The following CACNA1C variants were observed in gnomAD, a reference collection of about 807,000 sequenced individuals.
CACNA1C encodes the protein voltage-dependent L-type calcium channel subunit alpha-1C.
CACNA1C carries 30 observed loss-of-function variants against 229.0 expected under a neutral mutation model. The observed-to-expected ratio is 0.13, with a 90% confidence interval of 0.10 to 0.18. CACNA1C has a LOEUF of 0.18. Among genes scored for constraint, CACNA1C ranks in the 10% least tolerant of loss-of-function variants. The pLI is 1.00. For synonymous variants in CACNA1C, 1,114 were observed against 1,132.5 expected, an observed-to-expected ratio of 0.98 and a Z score of 0.33; for missense variants, 1,658 against 2,845.0, an observed-to-expected ratio of 0.58 and a Z score of 9.49.
At chr12:2,076,398 C>G (rs966229523) in intron 1 of CACNA1C, among the ~76,000 whole-genome samples, 1 of 152,082 alleles carries the variant, frequency 6.6e-6, no homozygotes, top group Non-Finnish European at 1.5e-5. Context: ...TAAAGGGGCT[C>G]GTACACATAC....
At chr12:2,270,331 CTG>C (rs1182010675) in intron 3 of CACNA1C, among the ~76,000 whole-genome samples, 1 of 152,226 alleles carries the variant, frequency 6.6e-6, no homozygotes, top group Non-Finnish European at 1.5e-5. Flanking sequence ...CCCTCCTTCT[CTG>C]TGAAATGTCA....
Position 2,118,325 on chromosome 12 carries a change from T to C in CACNA1C, c.372-2000T>C, listed in dbSNP as rs376532623. ...TGGGGAGAGCACAGGCACCAGCTGA[T>C]GGAATGAAACTGGCCAGCCTGTGGG... On this transcript the variant is annotated intron_variant, in intron 2 of 46. Coordinates refer to ENST00000399655, the MANE Select transcript of CACNA1C (RefSeq NM_000719.7). Among the ~76,000 whole-genome samples, 10 of 152,180 alleles carry C rather than the reference T, an allele frequency of 6.6e-5. No homozygotes were observed. In the East Asian group the frequency reaches 9.7e-4, roughly 15 times the overall value.
intron 3 of CACNA1C, among the ~76,000 whole-genome samples, chr12:2,226,820 T>C (rs565841232): frequency 6.6e-6 from 1 of 152,336 alleles, no homozygotes; most frequent in African/African-American, 2.4e-5. Flanking sequence ...AAGTATTCTT[T>C]CGGCAGGAGA....
chr12:2,656,149 A>G (rs1477569438), intron 34 of CACNA1C, among the ~76,000 whole-genome samples: 3 of 152,212 alleles, frequency 2.0e-5, no homozygotes, highest in Non-Finnish European at 4.4e-5. Context: ...GAAGAAGTGA[A>G]ATTTTCTCTG....
chr12:2,307,512 G>A (rs2095134338), intron 3 of CACNA1C, among the ~76,000 whole-genome samples: 1 of 152,198 alleles, frequency 6.6e-6, no homozygotes, highest in Non-Finnish European at 1.5e-5. Context: ...TGCAAAGGGT[G>A]CTGGGGCCGA....
chr12:2,166,154 C>G (rs2096215203), intron 3 of CACNA1C, among the ~76,000 whole-genome samples: 1 of 152,136 alleles, frequency 6.6e-6, no homozygotes, highest in East Asian at 1.9e-4. Flanking sequence ...CTTTCCAGTC[C>G]CATTAGACCC....
At chr12:2,392,795 T>C (rs1595059152) in intron 3 of CACNA1C, among the ~76,000 whole-genome samples, 1 of 152,170 alleles carries the variant, frequency 6.6e-6, no homozygotes, top group Non-Finnish European at 1.5e-5. Flanking sequence ...GGAGAGCATG[T>C]TGGCAGAATG....
intron 3 of CACNA1C, among the ~76,000 whole-genome samples, chr12:2,242,878 C>T (rs1236296036): frequency 6.6e-6 from 1 of 152,096 alleles, no homozygotes; most frequent in East Asian, 1.9e-4. Context: ...TCAAAAGAAC[C>T]CTGTGTGGTT....
chr12:2,025,526 G>A (rs1427611567), intron 1 of CACNA1C, among the ~76,000 whole-genome samples: 4 of 152,076 alleles, frequency 2.6e-5, no homozygotes. Flanking sequence ...ATGGTTCTGG[G>A]CCCATTTTAC....
intron 3 of CACNA1C, among the ~76,000 whole-genome samples, chr12:2,136,226 T>C (rs2093467403): frequency 6.6e-6 from 1 of 151,322 alleles, no homozygotes; most frequent in Non-Finnish European, 1.5e-5. Flanking sequence ...ACCCGGTACC[T>C]CAGATGGAAA....
intron 3 of CACNA1C, among the ~76,000 whole-genome samples, chr12:2,176,620 T>C (rs1370575060): frequency 6.6e-6 from 1 of 152,022 alleles, no homozygotes; most frequent in Non-Finnish European, 1.5e-5. Context: ...GGGTTCTCTG[T>C]GCATGTGGCA....
rs1271721216 is a variant in CACNA1C, at chr12:2,108,943, AG to A, written c.50-6280del. Among the ~76,000 whole-genome samples, 1 of 152,208 alleles carries A rather than the reference AG, an allele frequency of 6.6e-6. No homozygotes were observed. The highest frequency in any genetic ancestry group is 1.9e-4 in the East Asian group (1 of 5,202). On this transcript the variant is annotated intron_variant, in intron 1 of 46. Transcript: ENST00000399655. The surrounding 1 kb of genome is among the most constrained non-coding windows in gnomAD (Gnocchi z 5.3). ...GCAAGATGACAGACAGCAAGAGCCA[AG>A]TGGGCTTCTGGGTGACATGTTGGCC...
At chr12:2,249,211 A>C (rs1321577213) in intron 3 of CACNA1C, among the ~76,000 whole-genome samples, 1 of 152,192 alleles carries the variant, frequency 6.6e-6, no homozygotes, top group Non-Finnish European at 1.5e-5. Flanking sequence ...CTGTAAAGTG[A>C]GTATGAAGTG....
At chr12:2,028,029 G>A (rs1197252142) in intron 1 of CACNA1C, among the ~76,000 whole-genome samples, 1 of 152,254 alleles carries the variant, frequency 6.6e-6, no homozygotes, top group African/African-American at 2.4e-5. Flanking sequence ...TGAAACCTTC[G>A]CCTCCTCTGC....
upstream of CACNA1C, among the ~76,000 whole-genome samples, chr12:2,048,017 C>T (rs768551223): frequency 1.3e-4 from 20 of 152,324 alleles, no homozygotes; most frequent in Non-Finnish European, 2.2e-4. Context: ...GTACTTTGCC[C>T]AGGCCTCAGA....
At chr12:2,004,520 C>T (rs926965287) in intron 1 of CACNA1C, 2 of 1,503,548 alleles carry the variant, frequency 1.3e-6, no homozygotes, top group South Asian at 1.3e-5. Flanking sequence ...CAACCGAGAA[C>T]CCACGGCGAC....
At chr12:2,414,559 A>C (rs1041119109) in intron 3 of CACNA1C, among the ~76,000 whole-genome samples, 1 of 152,180 alleles carries the variant, frequency 6.6e-6, no homozygotes, top group Non-Finnish European at 1.5e-5. Flanking sequence ...CCAGTGTCAA[A>C]GGAAGGGCAG....
intron 1 of CACNA1C, among the ~76,000 whole-genome samples, chr12:2,001,960 C>T (rs970501885): frequency 6.6e-6 from 1 of 152,162 alleles, no homozygotes; most frequent in Non-Finnish European, 1.5e-5. Context: ...CTGGAAAATA[C>T]CAGGGTTATG....
chr12:2,270,911 G>T (rs536111479), intron 3 of CACNA1C, among the ~76,000 whole-genome samples: 1 of 152,208 alleles, frequency 6.6e-6, no homozygotes, highest in Admixed American at 6.5e-5. Flanking sequence ...GTGGTGGGGG[G>T]TGTGGGTGAA....
Sources: gnomAD v4.1 joint callset for allele counts (sites outside exome capture counted in the v4.1 genomes callset) on GRCh38, gnomAD v4.1.1 for gene constraint, Gnocchi (gnomAD v3.1) non-coding constraint, MANE v1.5 for transcripts, NCBI Gene and HGNC (gene_info 2026-07-23, HGNC 2026-07-21) for gene names.